Variants in ELP4 observed in about 807,000 individuals in gnomAD.
The protein encoded by ELP4 is elongator acetyltransferase complex subunit 4.
Under a neutral mutation model 48.9 loss-of-function variants are expected in ELP4, and 51 were observed. The observed-to-expected ratio is 1.04, with a 90% CI of 0.83 to 1.32. The LOEUF is 1.32. Among genes scored for constraint, ELP4 ranks in the 40% most tolerant of loss-of-function variants. ELP4 has a pLI of 0.00. For synonymous variants in ELP4, 210 were observed against 189.2 expected (o/e 1.11, Z -0.90); for missense variants, 519 against 514.6 (o/e 1.01, Z -0.08).
At chr11:31,548,619 G>C (rs1186027781) in intron 3 of ELP4, among the ~76,000 whole-genome samples, 1 of 152,134 alleles carries the variant, frequency 6.6e-6, no homozygotes, top group African/African-American at 2.4e-5. Context: ...TTTCTTCACA[G>C]AATTGGAAAA....
chr11:31,544,779 C>T (rs1214173858), intron 3 of ELP4, among the ~76,000 whole-genome samples: 4 of 152,162 alleles, frequency 2.6e-5, no homozygotes, highest in African/African-American at 7.2e-5. Context: ...ACACCTCACA[C>T]GGCCGGGTAC....
At chr11:31,760,324 C>T (rs1326751424) in intron 9 of ELP4, among the ~76,000 whole-genome samples, 1 of 152,164 alleles carries the variant, frequency 6.6e-6, no homozygotes, top group Non-Finnish European at 1.5e-5. Flanking sequence ...CTAATCTAGG[C>T]TCAAAAACTC....
At chr11:31,704,646 AAAATT>A (rs1432466429) in intron 9 of ELP4, among the ~76,000 whole-genome samples, 2 of 152,092 alleles carry the variant, frequency 1.3e-5, no homozygotes, top group Non-Finnish European at 2.9e-5. Context: ...TAAAAATAAA[AAAATT>A]AAAATTAAAA....
intron 4 of ELP4, chr11:31,599,504 CACACACACACACACACACAAAAAAAA>C (rs1957739877): frequency 1.0e-4 from 2 of 19,730 alleles, no homozygotes; most frequent in Non-Finnish European, 1.5e-3. Context: ...CACACACACA[CACACACACACACACACACAAAAAAAA>C]AAAACCTGGC....
At chr11:31,688,294 C>G (rs1309510805) in intron 9 of ELP4, among the ~76,000 whole-genome samples, 1 of 152,070 alleles carries the variant, frequency 6.6e-6, no homozygotes, top group African/African-American at 2.4e-5. Context: ...GGAATGGTTT[C>G]TCCTTATCCC....
intron 9 of ELP4, among the ~76,000 whole-genome samples, chr11:31,659,642 C>T (rs960183136): frequency 2.6e-5 from 4 of 151,844 alleles, no homozygotes; most frequent in South Asian, 2.1e-4. Context: ...AAAACTTGAA[C>T]GTATATAGTC....
At chr11:31,616,730 A>G (rs1403962742) in intron 5 of ELP4, among the ~76,000 whole-genome samples, 1 of 152,116 alleles carries the variant, frequency 6.6e-6, no homozygotes, top group South Asian at 2.1e-4. Flanking sequence ...ACATAAAAAC[A>G]AATAACCTGA....
At chr11:31,752,497 C>G (rs775380819) in intron 9 of ELP4, among the ~76,000 whole-genome samples, 1 of 152,088 alleles carries the variant, frequency 6.6e-6, no homozygotes, top group African/African-American at 2.4e-5. Context: ...ACTAGAGATG[C>G]TAACCATTTT....
In ELP4 at chr11:31,539,558, T is replaced by C. The variant is rs2133906215; in HGVS notation, c.260-104T>C. 4 of 1,246,092 alleles carry C rather than the reference T, an allele frequency of 3.2e-6. No homozygotes were observed. In the East Asian group the frequency reaches 7.3e-5, roughly 23 times the overall value. 77.2% of individuals were successfully genotyped at this position (1,246,092 alleles called of 1,614,324 possible). On this transcript the variant is annotated intron_variant, in intron 2 of 9. Transcript: ENST00000640961. ...TTTTGTTCCACCTCATATACTTGTT[T>C]TAAGGAAAAAAAATATAAAAACATA...
intron 9 of ELP4, among the ~76,000 whole-genome samples, chr11:31,726,544 A>G (rs1016818324): frequency 6.6e-6 from 1 of 152,214 alleles, no homozygotes; most frequent in Non-Finnish European, 1.5e-5. Flanking sequence ...AGATGCTACA[A>G]ATCAACAAAA....
intron 9 of ELP4, among the ~76,000 whole-genome samples, chr11:31,762,918 A>ATT (rs1947973555): frequency 1.3e-5 from 2 of 151,900 alleles, no homozygotes; most frequent in African/African-American, 4.8e-5. Context: ...TACCTTGAAT[A>ATT]TTATATATAG....
chr11:31,595,195 C>T lies in ELP4; in HGVS notation c.513+294C>T, dbSNP rs537332982. ...AGCCATTTCTATCCAGTATGTTTAC[C>T]TATAAATATTCAATGTAAGTGATGG... On this transcript the variant is annotated intron_variant, in intron 4 of 9. Transcript: ENST00000640961. Among the ~76,000 whole-genome samples, 16 of 152,154 alleles carry T rather than the reference C, an allele frequency of 1.1e-4. 1 individual carries two copies. Among genetic ancestry groups the T allele is most frequent in the Admixed American group, 2.6e-4 (4 of 15,280 alleles).
intron 9 of ELP4, among the ~76,000 whole-genome samples, chr11:31,686,049 CTA>C (rs1396925588): frequency 6.6e-6 from 1 of 151,986 alleles, no homozygotes; most frequent in Non-Finnish European, 1.5e-5. Flanking sequence ...CACAACTTCT[CTA>C]TAGTCTGTTA....
chr11:31,780,430 A>G (rs1344747974), intron 9 of ELP4, among the ~76,000 whole-genome samples: 2 of 152,206 alleles, frequency 1.3e-5, no homozygotes, highest in Admixed American at 6.5e-5. Context: ...GTAATAATCA[A>G]CAAAAGCAGG....
At chr11:31,577,355 T>C (rs1019651837) in intron 3 of ELP4, among the ~76,000 whole-genome samples, 5 of 152,054 alleles carry the variant, frequency 3.3e-5, no homozygotes, top group Admixed American at 3.3e-4. Flanking sequence ...CTACCAGAGG[T>C]ACAAAGAGGA....
intron 3 of ELP4, among the ~76,000 whole-genome samples, chr11:31,548,071 G>A (rs375701705): frequency 1.1e-4 from 17 of 152,096 alleles, no homozygotes; most frequent in African/African-American, 3.6e-4. Context: ...CTTTGAAAAC[G>A]GGCACAAGAC....
At chr11:31,776,938 A>AG (rs1948260008) in intron 9 of ELP4, among the ~76,000 whole-genome samples, 1 of 152,216 alleles carries the variant, frequency 6.6e-6, no homozygotes, top group South Asian at 2.1e-4. Flanking sequence ...AGCTGCTACC[A>AG]AATGTACACT....
chr11:31,581,155 T>A (rs1421345665), intron 3 of ELP4, among the ~76,000 whole-genome samples: 1 of 152,194 alleles, frequency 6.6e-6, no homozygotes, highest in African/African-American at 2.4e-5. Context: ...CTTGAAATCG[T>A]CCATACTCCA....
At chr11:31,708,095 C>T (rs892334065) in intron 9 of ELP4, among the ~76,000 whole-genome samples, 6 of 152,110 alleles carry the variant, frequency 3.9e-5, no homozygotes, top group Non-Finnish European at 7.4e-5. Flanking sequence ...AAAATATCAT[C>T]GTTCTCTTCT....
Sources: gnomAD v4.1 joint callset for allele counts (sites outside exome capture counted in the v4.1 genomes callset) on GRCh38, gnomAD v4.1.1 for gene constraint, MANE v1.5 for transcripts, NCBI Gene and HGNC (gene_info 2026-07-23, HGNC 2026-07-21) for gene names.